The following NCOA1 variants were observed in gnomAD, a reference collection of about 807,000 sequenced individuals.
NCOA1 encodes the protein nuclear receptor coactivator 1.
Under a neutral mutation model 150.9 loss-of-function variants are expected in NCOA1, and 35 were observed. The ratio of observed to expected loss-of-function variants is 0.23; its 90% CI spans 0.18 to 0.31. NCOA1 has a LOEUF of 0.31. Ranked by LOEUF, NCOA1 falls within the 10% of genes least tolerant of loss-of-function variation. The pLI, the probability that NCOA1 is intolerant of heterozygous loss-of-function variation, is 1.00. For missense variants in NCOA1, 1,491 were observed against 1,749.3 expected (o/e 0.85, Z 2.63); for synonymous variants, 590 against 630.0 (o/e 0.94, Z 0.95).
At chr2:24,699,785 T>C (rs994135619) in intron 11 of NCOA1, among the ~76,000 whole-genome samples, 1 of 110,642 alleles carries the variant, frequency 9.0e-6, no homozygotes, top group African/African-American at 2.7e-5. Flanking sequence ...CTGTTAAAGA[T>C]AGTGACCTGC....
chr2:24,580,111 A>C (rs1363479821), intron 2 of NCOA1, among the ~76,000 whole-genome samples: 1 of 152,210 alleles, frequency 6.6e-6, no homozygotes, highest in Non-Finnish European at 1.5e-5. Flanking sequence ...CTGTCATTTG[A>C]ATTATTTTCT....
At chr2:24,678,963 T>A (rs1169889105) in intron 7 of NCOA1, among the ~76,000 whole-genome samples, 1 of 152,246 alleles carries the variant, frequency 6.6e-6, no homozygotes, top group Admixed American at 6.5e-5. Context: ...CCCGTGCCTA[T>A]GTACTGAATG....
At chr2:24,494,158 G>A (rs1663097362) in intron 1 of NCOA1, among the ~76,000 whole-genome samples, 2 of 152,200 alleles carry the variant, frequency 1.3e-5, no homozygotes, top group South Asian at 2.1e-4. Flanking sequence ...GATGAGGGTG[G>A]TATAGAGGTG....
At chr2:24,514,332 A>G (rs1215117996) in intron 1 of NCOA1, among the ~76,000 whole-genome samples, 1 of 151,498 alleles carries the variant, frequency 6.6e-6, no homozygotes, top group Non-Finnish European at 1.5e-5. Context: ...GAAAAAAAGA[A>G]AAATAGCAAA....
chr2:24,514,257 G>A (rs1444889811), intron 1 of NCOA1, among the ~76,000 whole-genome samples: 1 of 126,516 alleles, frequency 7.9e-6, no homozygotes, highest in African/African-American at 3.0e-5. Flanking sequence ...CTGCACTCCA[G>A]CCTGGGCAAC....
intron 7 of NCOA1, among the ~76,000 whole-genome samples, chr2:24,682,545 C>T (rs1344795184): frequency 6.6e-6 from 1 of 152,142 alleles, no homozygotes; most frequent in African/African-American, 2.4e-5. Flanking sequence ...TCTGCTGACT[C>T]GCCTTGTACC....
chr2:24,517,018 A>G (rs1245056972), intron 1 of NCOA1, among the ~76,000 whole-genome samples: 1 of 148,598 alleles, frequency 6.7e-6, no homozygotes, highest in Admixed American at 6.7e-5. Flanking sequence ...ACACACACAC[A>G]CACACACACA....
intron 13 of NCOA1, among the ~76,000 whole-genome samples, chr2:24,708,863 T>A (rs1175518087): frequency 6.6e-6 from 1 of 152,220 alleles, no homozygotes; most frequent in Non-Finnish European, 1.5e-5. Flanking sequence ...ATAAGCCATG[T>A]CTCTTCTAAA....
At chr2:24,733,468 G>C (rs1663122274) in intron 17 of NCOA1, among the ~76,000 whole-genome samples, 1 of 152,234 alleles carries the variant, frequency 6.6e-6, no homozygotes, top group African/African-American at 2.4e-5. Context: ...ATCTGGCCGG[G>C]CACAGTGGCT....
At chr2:24,665,718 G>A (rs2148505486) in intron 5 of NCOA1, 31 bp from the exon 6 acceptor site, 1 of 1,462,574 alleles carries the variant, frequency 6.8e-7, no homozygotes, top group East Asian at 2.6e-5. Flanking sequence ...TGATACAAAT[G>A]TACACTAACT....
intron 1 of NCOA1, among the ~76,000 whole-genome samples, chr2:24,536,428 A>G (rs1665146064): frequency 6.6e-6 from 1 of 152,090 alleles, no homozygotes; most frequent in African/African-American, 2.4e-5. Context: ...GTTTGTTATT[A>G]CTGACTTTCT....
chr2:24,507,374 A>G (rs1446000735), intron 1 of NCOA1, among the ~76,000 whole-genome samples: 6 of 151,144 alleles, frequency 4.0e-5, no homozygotes, highest in Non-Finnish European at 8.8e-5. Context: ...GTGAGTTTAC[A>G]CATACAAAAT....
intron 1 of NCOA1, among the ~76,000 whole-genome samples, chr2:24,540,120 C>T (rs1336111439): frequency 1.3e-5 from 2 of 152,122 alleles, no homozygotes; most frequent in Admixed American, 1.3e-4. Context: ...TACCAAAAGC[C>T]TACAGAGTGT....
chr2:24,729,819 A>G lies in NCOA1; in HGVS notation c.3201+4A>G. On this transcript the variant is annotated splice_donor_region_variant and intron_variant, in intron 17 of 22. Transcript: ENST00000348332. ...GCGATTACAGGGACAACAGCAGGTA[A>G]GTGCTCTTGTTTAGCAGTTGATACT... The G allele has an allele frequency of 6.2e-7, 1 of 1,607,880 alleles. No individual in the cohort carries two copies.
chr2:24,493,874 G>C (rs971005421), intron 1 of NCOA1, among the ~76,000 whole-genome samples: 1 of 152,214 alleles, frequency 6.6e-6, no homozygotes, highest in African/African-American at 2.4e-5. Flanking sequence ...ACTGTTGAGG[G>C]AGTCTAAGGT....
chr2:24,554,720 G>A (rs1418371951), intron 1 of NCOA1: 1 of 152,156 alleles, frequency 6.6e-6, no homozygotes, highest in East Asian at 1.9e-4. Flanking sequence ...CAACATGTTG[G>A]TGCTGGGGGA....
At chr2:24,629,440 C>A (rs1572512996) in intron 3 of NCOA1, among the ~76,000 whole-genome samples, 1 of 145,204 alleles carries the variant, frequency 6.9e-6, no homozygotes, top group Admixed American at 6.9e-5. Context: ...TAAGATATAA[C>A]AAAATAACTC....
intron 1 of NCOA1, among the ~76,000 whole-genome samples, chr2:24,535,276 G>C (rs1017036834): frequency 5.3e-5 from 8 of 151,944 alleles, no homozygotes; most frequent in Non-Finnish European, 1.2e-4. Context: ...TGCAACCCCT[G>C]CTTTTTTTTT....
At chr2:24,672,058 G>A (rs1487749335) in intron 6 of NCOA1, among the ~76,000 whole-genome samples, 1 of 151,186 alleles carries the variant, frequency 6.6e-6, no homozygotes, top group Non-Finnish European at 1.5e-5. Context: ...GAGGACTAAT[G>A]GTATATATAA....
Sources: allele counts gnomAD v4.1 joint callset (sites outside exome capture counted in the v4.1 genomes callset), GRCh38; gene constraint gnomAD v4.1.1; transcripts MANE v1.5; gene names NCBI Gene and HGNC (gene_info 2026-07-23, HGNC 2026-07-21).